MICAL2: variants seen among roughly 807,000 people sequenced by gnomAD.
MICAL2 encodes microtubule associated monooxygenase, calponin and LIM domain containing 2, also known as [F-actin]-monooxygenase MICAL2.
MICAL2 carries 77 observed loss-of-function variants against 127.3 expected under a neutral mutation model. The ratio of observed to expected loss-of-function variants is 0.60; its 90% CI spans 0.50 to 0.73. The LOEUF (loss-of-function observed/expected upper bound fraction) is 0.73, where lower values mean the gene tolerates loss of function less well. MICAL2 is among the 30% of genes least tolerant of loss of function. The pLI is 0.00. For synonymous variants in MICAL2, 570 were observed against 551.1 expected, an observed-to-expected ratio of 1.03 and a Z score of -0.48; for missense variants, 1,351 against 1,434.4, an observed-to-expected ratio of 0.94 and a Z score of 0.94.
chr11:12,360,350 G>A (rs1170511034), downstream of MICAL2, among the ~76,000 whole-genome samples: 2 of 152,064 alleles, frequency 1.3e-5, no homozygotes, highest in African/African-American at 4.8e-5. Flanking sequence ...TGGTACATAA[G>A]CTATTTAATA....
chr11:12,256,978 C>G lies in MICAL2; in HGVS notation c.3142+7C>G, dbSNP rs1565266739. The G allele has an allele frequency of 1.2e-6, 2 of 1,608,866 alleles. No homozygotes were observed. Among genetic ancestry groups the G allele is most frequent in the Non-Finnish European group, 1.7e-6 (2 of 1,177,598 alleles). ...ACCTTTGACTGCGATGAAGGTAACC[C>G]CAGGGGCCAGGGCAGCACTGGGCTC... On this transcript the variant is annotated splice_region_variant and intron_variant, in intron 24 of 27. Coordinates refer to ENST00000683283, the MANE Select transcript of MICAL2 (RefSeq NM_001282663.2).
chr11:12,175,197 C>T (rs908949414), intron 3 of MICAL2, among the ~76,000 whole-genome samples: 1 of 151,978 alleles, frequency 6.6e-6, no homozygotes, highest in Admixed American at 6.6e-5. Context: ...ACAGACAAAC[C>T]GAGCACGATG....
At chr11:12,175,529 C>T (rs1856740346) in intron 3 of MICAL2, among the ~76,000 whole-genome samples, 1 of 151,722 alleles carries the variant, frequency 6.6e-6, no homozygotes, top group Non-Finnish European at 1.5e-5. Context: ...AGTTTATGTT[C>T]TTATCAGTGA....
chr11:12,292,787 G>A (rs935642024), downstream of MICAL2, among the ~76,000 whole-genome samples: 1 of 152,190 alleles, frequency 6.6e-6, no homozygotes, highest in Non-Finnish European at 1.5e-5. Context: ...TACCTGCCAG[G>A]CCTGTTCTAG....
chr11:12,355,002 G>T (rs1565314265), intron 34 of MICAL2: 3 of 688,394 alleles, frequency 4.4e-6, no homozygotes, highest in Non-Finnish European at 4.9e-6. Flanking sequence ...CCTCCCACCA[G>T]CAGCACCACA....
At chr11:12,358,287 T>C (rs982624022) in intron 34 of MICAL2, 2 of 1,611,476 alleles carry the variant, frequency 1.2e-6, no homozygotes, top group African/African-American at 1.3e-5. Context: ...TTTCTTTTTT[T>C]TCTTTAGAGA....
At chr11:12,271,379 G>A (rs1195742173), upstream of MICAL2, among the ~76,000 whole-genome samples, 1 of 152,244 alleles carries the variant, frequency 6.6e-6, no homozygotes, top group Non-Finnish European at 1.5e-5. Flanking sequence ...GGCTGGTGGT[G>A]TGGGCATGCA....
chr11:12,175,895 C>CAG (rs1460441043), intron 3 of MICAL2, among the ~76,000 whole-genome samples: 2 of 152,010 alleles, frequency 1.3e-5, no homozygotes, highest in African/African-American at 2.4e-5. Flanking sequence ...AGAGATGGGC[C>CAG]AGAGAGAGAG....
At chr11:12,227,339 T>C in intron 15 of MICAL2, 1 of 539,230 alleles carries the variant, frequency 1.9e-6, no homozygotes, top group Admixed American at 3.5e-5. Context: ...GACTTCAAAG[T>C]GGTTATAGGA....
At chr11:12,304,538 G>A (rs1381484850) in intron 29 of MICAL2, among the ~76,000 whole-genome samples, 2 of 152,126 alleles carry the variant, frequency 1.3e-5, no homozygotes, top group African/African-American at 2.4e-5. Flanking sequence ...GGGAGGCTGA[G>A]GCAAGAGAAT....
intron 1 of MICAL2, among the ~76,000 whole-genome samples, chr11:12,120,733 A>C (rs1299909759): frequency 6.6e-6 from 1 of 152,230 alleles, no homozygotes; most frequent in Non-Finnish European, 1.5e-5. Context: ...AGGGCTGCCT[A>C]GAGAAGCTGA....
At chr11:12,219,528 C>CAAAAAAA (rs11316414) in intron 8 of MICAL2, among the ~76,000 whole-genome samples, 2 of 48,628 alleles carry the variant, frequency 4.1e-5, no homozygotes, top group African/African-American at 1.6e-4. Flanking sequence ...AACTCCATCT[C>CAAAAAAA]AAAAAAAAAA....
At chr11:12,180,341 ATG>A (rs202119592) in intron 3 of MICAL2, among the ~76,000 whole-genome samples, 1,590 of 135,414 alleles carry the variant, frequency 0.012, 22 homozygotes, top group African/African-American at 0.025. Context: ...ACATGTATAT[ATG>A]TATATATTTT....
intron 32 of MICAL2, among the ~76,000 whole-genome samples, chr11:12,339,463 C>T (rs1432664579): frequency 2.0e-5 from 3 of 152,196 alleles, no homozygotes; most frequent in Admixed American, 6.5e-5. Context: ...AGTCATTCTC[C>T]ATCCAGCTTT....
At chr11:12,306,284 ATT>A (rs59252020) in intron 29 of MICAL2, among the ~76,000 whole-genome samples, 4 of 149,816 alleles carry the variant, frequency 2.7e-5, no homozygotes, top group African/African-American at 9.8e-5. Context: ...TTCTTTCAAC[ATT>A]TTTTTTTTGA....
In MICAL2 at chr11:12,299,150, A is replaced by C. The variant is rs1493962; in HGVS notation, c.5212+4293A>C. ...AGAATGGAATTAGGTTAGAGTTAGC[A>C]CTGGAAGTAGTGCCTGCACCTATTT... On this transcript the variant is annotated intron_variant, in intron 29 of 34. Transcript: ENST00000646065. Among the ~76,000 whole-genome samples the C allele has an allele frequency of 2.8e-3, 432 of 152,316 alleles. 4 individuals are homozygous for C. Among genetic ancestry groups the C allele is most frequent in the African/African-American group, 0.01 (418 of 41,564 alleles).
At position 12,330,900 on chromosome 11, in the gene MICAL2, A is replaced by AGAGAGAGTGTGTGT. The variant is rs1238311364; in HGVS notation, c.5515+3635_5515+3636insAGAGAGTGTGTGTG. Among the ~76,000 whole-genome samples the AGAGAGAGTGTGTGT allele has an allele frequency of 1.1e-3, 137 of 119,424 alleles. 1 individual carries two copies. Among genetic ancestry groups the AGAGAGAGTGTGTGT allele is most frequent in the South Asian group, 2.7e-3 (9 of 3,286 alleles). 78.3% of individuals were successfully genotyped at this position (119,424 alleles called of 152,430 possible). A position where few individuals can be genotyped will look rare whatever the true frequency, so the allele number is the denominator to read the frequency against. On this transcript the variant is annotated intron_variant, in intron 32 of 34. Coordinates refer to the MICAL2 transcript ENST00000646065. ...GAGAGAGACAGAGAGAGAGAGAGAG[A>AGAGAGAGTGTGTGT]GTGTGTGTGTGTGTGTGTGTGTGTG...
At chr11:12,185,686 T>C (rs1019958378) in intron 3 of MICAL2, among the ~76,000 whole-genome samples, 2 of 152,194 alleles carry the variant, frequency 1.3e-5, no homozygotes, top group African/African-American at 2.4e-5. Context: ...GCCCTAGTTC[T>C]TAGTGTTCTT....
intron 4 of MICAL2, among the ~76,000 whole-genome samples, chr11:12,205,736 G>C (rs1040930707): frequency 3.2e-4 from 49 of 152,208 alleles, no homozygotes; most frequent in Admixed American, 7.2e-4. Context: ...GATTAAATGA[G>C]GTCAAGTTTG....
Sources: gnomAD v4.1 joint callset for allele counts (sites outside exome capture counted in the v4.1 genomes callset) on GRCh38, gnomAD v4.1.1 for gene constraint, MANE v1.5 for transcripts, NCBI Gene and HGNC (gene_info 2026-07-23, HGNC 2026-07-21) for gene names.